The following IDO2 variants were observed in gnomAD, a reference collection of about 807,000 sequenced individuals.
IDO2 encodes the protein indoleamine 2,3-dioxygenase 2.
In IDO2, 46 loss-of-function variants were observed where a neutral mutation model predicts 45.1. That is an observed-to-expected ratio of 1.02 (90% CI 0.80 to 1.30). The LOEUF is 1.30. Among genes scored for constraint, IDO2 ranks in the 50% most tolerant of loss-of-function variants. The probability of loss-of-function intolerance (pLI) is 0.00; values close to 1 mark genes in which losing one functional copy is unlikely to be tolerated. For missense variants in IDO2, 544 were observed against 491.8 expected, an observed-to-expected ratio of 1.11 and a Z score of -1.00; for synonymous variants, 218 against 184.9, an observed-to-expected ratio of 1.18 and a Z score of -1.45.
intron 2 of IDO2, among the ~76,000 whole-genome samples, chr8:39,950,504 T>G (rs550685539): frequency 2.0e-5 from 3 of 152,186 alleles, no homozygotes; most frequent in Admixed American, 1.3e-4. Flanking sequence ...GGGAATGAAG[T>G]TTTTGGTGTC....
chr8:39,981,235 T>C (rs1172496964), intron 4 of IDO2, among the ~76,000 whole-genome samples: 1 of 151,940 alleles, frequency 6.6e-6, no homozygotes, highest in Non-Finnish European at 1.5e-5. Context: ...CTAATTTTTA[T>C]ATTTTTAGTA....
At chr8:40,013,529 C>A in intron 9 of IDO2, 36 bp from the exon 10 acceptor site, 1 of 1,592,894 alleles carries the variant, frequency 6.3e-7, no homozygotes, top group Middle Eastern at 1.7e-4. Flanking sequence ...TACCTCCCTG[C>A]ACCCCTTTCA....
chr8:39,989,968 G>C, intron 8 of IDO2, 130 bp downstream of exon 8: 1 of 596,528 alleles, frequency 1.7e-6, no homozygotes. Context: ...GACGCTGGTG[G>C]ACTATCTTTG....
chr8:39,986,345 C>T (rs1808422375), intron 6 of IDO2: 1 of 152,158 alleles, frequency 6.6e-6, no homozygotes. Flanking sequence ...CATCACCAAA[C>T]CTCAGCTTCT....
intron 5 of IDO2, among the ~76,000 whole-genome samples, chr8:39,984,792 C>A (rs1808399154): frequency 2.0e-5 from 3 of 151,802 alleles, no homozygotes; most frequent in Non-Finnish European, 4.4e-5. Context: ...GCAGGCTTTA[C>A]AAGTCAGTAA....
chr8:39,939,698 TAA>T (rs371069586), intron 1 of IDO2, among the ~76,000 whole-genome samples: 2 of 140,642 alleles, frequency 1.4e-5, no homozygotes, highest in Admixed American at 7.1e-5. Context: ...ATAAAAGAGT[TAA>T]AAAAAAAAAA....
At chr8:39,957,772 C>G (rs767567533) in intron 2 of IDO2, among the ~76,000 whole-genome samples, 9 of 152,186 alleles carry the variant, frequency 5.9e-5, no homozygotes, top group Non-Finnish European at 1.2e-4. Context: ...TCCATCAAAA[C>G]TTAAACCTTT....
At chr8:39,956,707 A>G (rs1293544213) in intron 2 of IDO2, among the ~76,000 whole-genome samples, 2 of 152,178 alleles carry the variant, frequency 1.3e-5, no homozygotes, top group Admixed American at 6.6e-5. Context: ...TTCACTTTGT[A>G]GTAGGCCCTG....
intron 1 of IDO2, among the ~76,000 whole-genome samples, chr8:39,944,010 G>A (rs988923802): frequency 6.6e-6 from 1 of 152,034 alleles, no homozygotes; most frequent in Non-Finnish European, 1.5e-5. Context: ...TGTCTCATAA[G>A]GAACCATAAA....
intron 7 of IDO2, among the ~76,000 whole-genome samples, chr8:39,989,008 A>G (rs1385443196): frequency 1.3e-5 from 2 of 152,148 alleles, no homozygotes; most frequent in South Asian, 2.1e-4. Context: ...CCATTTTCAC[A>G]CTGTTATAAA....
At chr8:39,936,039 G>A (rs1327884411) in intron 1 of IDO2, among the ~76,000 whole-genome samples, 2 of 152,148 alleles carry the variant, frequency 1.3e-5, no homozygotes, top group Non-Finnish European at 2.9e-5. Context: ...TTATTACAAT[G>A]TATTATCCAA....
At chr8:39,997,265 A>G (rs968988644) in intron 8 of IDO2, among the ~76,000 whole-genome samples, 21 of 152,238 alleles carry the variant, frequency 1.4e-4, no homozygotes, top group African/African-American at 5.1e-4. Context: ...GAAACTGTCT[A>G]CAAATTTCTG....
intron 8 of IDO2, among the ~76,000 whole-genome samples, chr8:39,990,154 T>C (rs956783377): frequency 6.6e-6 from 1 of 152,158 alleles, no homozygotes; most frequent in Non-Finnish European, 1.5e-5. Flanking sequence ...CACAGTAATG[T>C]TGGTCGCGCG....
chr8:39,951,359 C>G (rs773373024), intron 2 of IDO2, among the ~76,000 whole-genome samples: 1 of 148,152 alleles, frequency 6.7e-6, no homozygotes, highest in Admixed American at 6.9e-5. Context: ...GGGAATGGAC[C>G]GGACTGTTTC....
intron 9 of IDO2, among the ~76,000 whole-genome samples, chr8:40,010,060 T>C (rs187617185): frequency 6.6e-6 from 1 of 152,078 alleles, no homozygotes; most frequent in Admixed American, 6.5e-5. Flanking sequence ...GGACAATTAA[T>C]ACACAAGTAA....
At chr8:40,010,049 T>G (rs1802288751) in intron 9 of IDO2, among the ~76,000 whole-genome samples, 1 of 148,246 alleles carries the variant, frequency 6.7e-6, no homozygotes, top group Non-Finnish European at 1.5e-5. Context: ...GGTGGGGGGA[T>G]GGACAATTAA....
At chr8:39,951,637 A>T (rs2129593417) in intron 2 of IDO2, among the ~76,000 whole-genome samples, 1 of 152,308 alleles carries the variant, frequency 6.6e-6, no homozygotes, top group South Asian at 2.1e-4. Flanking sequence ...ATTTTCATAA[A>T]TCCAGTGTAA....
At chr8:39,995,502 T>A (rs1802029225) in intron 8 of IDO2, among the ~76,000 whole-genome samples, 1 of 151,788 alleles carries the variant, frequency 6.6e-6, no homozygotes, top group African/African-American at 2.4e-5. Context: ...GGCTAGTCTC[T>A]AACTCCTGAC....
chr8:39,951,348 T>A (rs867983668), intron 2 of IDO2, among the ~76,000 whole-genome samples: 1 of 147,690 alleles, frequency 6.8e-6, no homozygotes, highest in Non-Finnish European at 1.5e-5. Context: ...CTGTGAGAAA[T>A]GGGAATGGAC....
Sources: gnomAD v4.1 joint callset for allele counts (sites outside exome capture counted in the v4.1 genomes callset) on GRCh38, gnomAD v4.1.1 for gene constraint, MANE v1.5 for transcripts, NCBI Gene and HGNC (gene_info 2026-07-23, HGNC 2026-07-21) for gene names.